The following MYOCD variants were observed in gnomAD, a reference collection of about 807,000 sequenced individuals.
MYOCD encodes myocardin.
A neutral mutation model predicts 96.1 loss-of-function variants in MYOCD; 32 were observed. That is an observed-to-expected ratio of 0.33 (90% CI 0.25 to 0.45). MYOCD has a LOEUF of 0.45. Ranked by LOEUF, MYOCD falls within the 20% of genes least tolerant of loss-of-function variation. The probability of loss-of-function intolerance (pLI) is 1.00; values close to 1 mark genes in which losing one functional copy is unlikely to be tolerated. For missense variants in MYOCD, 1,133 were observed against 1,200.6 expected (o/e 0.94, Z 0.83); for synonymous variants, 469 against 469.0 (o/e 1.00, Z 0.00).
At chr17:12,676,973 C>T (rs193022404) in intron 1 of MYOCD, among the ~76,000 whole-genome samples, 1 of 152,158 alleles carries the variant, frequency 6.6e-6, no homozygotes, top group Non-Finnish European at 1.5e-5. Context: ...ATAAAAAGTG[C>T]TTGACATAGT....
At chr17:12,724,070 C>G (rs898752072) in intron 5 of MYOCD, among the ~76,000 whole-genome samples, 1 of 152,090 alleles carries the variant, frequency 6.6e-6, no homozygotes. Flanking sequence ...CTCATCTACT[C>G]TCTCCCTCCC....
chr17:12,739,170 A>T, intron 6 of MYOCD, 33 bp from the exon 7 acceptor site: 1 of 1,587,458 alleles, frequency 6.3e-7, no homozygotes, highest in Non-Finnish European at 8.6e-7. Flanking sequence ...TTATTCCTGT[A>T]TCTTCCTAAT....
chr17:12,739,247 A>C lies in MYOCD; in HGVS notation c.636A>C (p.Ser212=). Residue 212 remains serine (S), a synonymous_variant, in exon 7 of 14, where the codon TCA becomes TCC. Coordinates refer to ENST00000425538, the MANE Select transcript of MYOCD (RefSeq NM_001146312.3). ...GSENDRNDSA[S]QPSHQSDAGK... ...AAAATGACAGAAATGACTCAGCCTC[A>C]CAGCCCAGCCACCAGTCAGATGCGG... The C allele has an allele frequency of 2.5e-6, 4 of 1,610,882 alleles. No individual in the cohort carries two copies. The highest frequency in any genetic ancestry group is 3.4e-6 in the Non-Finnish European group (4 of 1,178,848).
chr17:12,729,340 C>T (rs901809764), intron 5 of MYOCD, among the ~76,000 whole-genome samples: 5 of 151,806 alleles, frequency 3.3e-5, no homozygotes, highest in African/African-American at 9.7e-5. Flanking sequence ...GTGGGAGTGG[C>T]GGGAGGAAAG....
At chr17:12,732,154 G>A (rs568322177) in intron 5 of MYOCD, among the ~76,000 whole-genome samples, 6 of 152,244 alleles carry the variant, frequency 3.9e-5, no homozygotes, top group East Asian at 3.9e-4. Flanking sequence ...AAACCCGTAC[G>A]CGGGATGTAG....
At position 12,736,312 on chromosome 17, in the gene MYOCD, G is replaced by A. The variant is rs758145557; in HGVS notation, c.567G>A (p.Ser189=). 2.4e-5 allele frequency: 38 copies of A among 1,613,956 alleles called. No homozygotes were observed. Among genetic ancestry groups the A allele is most frequent in the Non-Finnish European group, 2.8e-5 (33 of 1,179,974 alleles). The change falls in exon 6 of 14, where the codon TCG becomes TCA. Residue 189 remains serine, a synonymous_variant. Coordinates refer to ENST00000425538, the MANE Select transcript of MYOCD (RefSeq NM_001146312.3). ...PPDAKASDTP[S]TGSLGTNQDL... is the part of the protein sequence containing the mutation. ...ACGCTAAAGCCTCAGATACCCCTTC[G>A]ACAGGTTCTCTGGGGACAAACCAGG... is the stretch of plus-strand genomic sequence containing the variant.
intron 4 of MYOCD, among the ~76,000 whole-genome samples, chr17:12,722,419 C>A (rs1033162692): frequency 6.6e-6 from 1 of 152,146 alleles, no homozygotes; most frequent in Non-Finnish European, 1.5e-5. Context: ...ATTGACTAGT[C>A]CAAAATCCTT....
At chr17:12,690,728 G>T (rs981942611) in intron 1 of MYOCD, among the ~76,000 whole-genome samples, 1 of 152,092 alleles carries the variant, frequency 6.6e-6, no homozygotes, top group Non-Finnish European at 1.5e-5. Context: ...TAGTCTCCAG[G>T]AAGGGGACGA....
intron 1 of MYOCD, among the ~76,000 whole-genome samples, chr17:12,688,546 A>G (rs1427340583): frequency 1.6e-5 from 1 of 63,510 alleles, no homozygotes; most frequent in African/African-American, 9.9e-5. Flanking sequence ...CCTTCCTTCC[A>G]TCTTCTTCCT....
intron 2 of MYOCD, among the ~76,000 whole-genome samples, chr17:12,707,170 C>A (rs907551699): frequency 2.6e-5 from 4 of 152,200 alleles, no homozygotes; most frequent in African/African-American, 9.7e-5. Flanking sequence ...AATCTACATG[C>A]ATTTCAGCAG....
intron 1 of MYOCD, among the ~76,000 whole-genome samples, chr17:12,680,145 C>G (rs1910363265): frequency 6.6e-6 from 1 of 152,170 alleles, no homozygotes; most frequent in Admixed American, 6.5e-5. Context: ...AATGAAGACT[C>G]TCCTCTTAAT....
intron 11 of MYOCD, among the ~76,000 whole-genome samples, chr17:12,757,684 G>A (rs2099595193): frequency 6.6e-6 from 1 of 152,030 alleles, no homozygotes; most frequent in South Asian, 2.1e-4. Flanking sequence ...TAGTGAGATG[G>A]GGTTTCACCA....
chr17:12,752,078 A>C (rs780468144), intron 9 of MYOCD, among the ~76,000 whole-genome samples: 1 of 152,156 alleles, frequency 6.6e-6, no homozygotes, highest in Non-Finnish European at 1.5e-5. Context: ...GTCTAAACCC[A>C]GGCAGATATG....
rs1246167410 is a variant in MYOCD, at chr17:12,766,618, C to A, written c.*2974C>A. ...CCCATTGAGAATTTTATTTTAAATTCTTTTAAACTCTTCGTTGTGTCTTTT... is the reference window on the plus strand; with the variant it reads ...CCCATTGAGAATTTTATTTTAAATTATTTTAAACTCTTCGTTGTGTCTTTT... On this transcript the variant is annotated 3_prime_UTR_variant, in exon 14 of 14. Transcript: ENST00000425538. 6.6e-6 allele frequency: 1 copy of A among 152,092 alleles called. No homozygotes were observed. The highest frequency in any genetic ancestry group is 2.4e-5 in the African/African-American group (1 of 41,418). The allele number at this position is 152,092 out of a possible 1,614,324, so 9.4% of individuals were successfully genotyped here. A position where few individuals can be genotyped will look rare whatever the true frequency, so the allele number is the denominator to read the frequency against.
chr17:12,736,894 A>G (rs543855885), intron 6 of MYOCD, among the ~76,000 whole-genome samples: 52 of 152,336 alleles, frequency 3.4e-4, no homozygotes, highest in Admixed American at 3.3e-3. Flanking sequence ...TTCTGTACAA[A>G]TCTACAAACC....
At chr17:12,715,633 C>A in intron 3 of MYOCD, 59 bp downstream of exon 3, 2 of 1,378,360 alleles carry the variant, frequency 1.5e-6, no homozygotes, top group Admixed American at 1.7e-5. Context: ...TCTCTGAATG[C>A]TAATCCTTGG....
Position 12,760,249 on chromosome 17 carries a change from A to G in MYOCD, c.2332-401A>G, listed in dbSNP as rs2033130623. On this transcript the variant is annotated intron_variant, in intron 12 of 13. Coordinates refer to ENST00000425538, the MANE Select transcript of MYOCD (RefSeq NM_001146312.3). Reference sequence around the variant, plus strand: ...CGCTTAGGGAAATAAGCTAGTTGCAAAAGAATAAATACTGTACGATTCGCT... The same window carrying G: ...CGCTTAGGGAAATAAGCTAGTTGCAGAAGAATAAATACTGTACGATTCGCT... 2.0e-5 allele frequency: 4 copies of G among 197,952 alleles called. No individual in the cohort carries two copies. The South Asian group carries it at 4.2e-4, about 21-fold the overall frequency. 12.3% of individuals were successfully genotyped at this position (197,952 alleles called of 1,614,324 possible).
chr17:12,748,420 T>C (rs1318154538), intron 9 of MYOCD, among the ~76,000 whole-genome samples: 1 of 152,164 alleles, frequency 6.6e-6, no homozygotes, highest in Non-Finnish European at 1.5e-5. Context: ...GGTTGGAGTA[T>C]AGAAGAAACA....
At chr17:12,718,616 A>G (rs946945820) in intron 4 of MYOCD, among the ~76,000 whole-genome samples, 12 of 152,220 alleles carry the variant, frequency 7.9e-5, no homozygotes, top group African/African-American at 2.9e-4. Flanking sequence ...GGATATTTTA[A>G]GACGGAGAAC....
Sources: gnomAD v4.1 joint callset for allele counts (sites outside exome capture counted in the v4.1 genomes callset) on GRCh38, gnomAD v4.1.1 for gene constraint, MANE v1.5 for transcripts, NCBI Gene and HGNC (gene_info 2026-07-23, HGNC 2026-07-21) for gene names.